Variants in ITGA8 observed in about 807,000 individuals in gnomAD.
ITGA8 encodes the protein integrin alpha-8.
Under a neutral mutation model 142.3 loss-of-function variants are expected in ITGA8, and 91 were observed. The ratio of observed to expected loss-of-function variants is 0.64; its 90% CI spans 0.54 to 0.76. The LOEUF is 0.76. Among genes scored for constraint, ITGA8 ranks in the 30% least tolerant of loss-of-function variants. The pLI is 0.00. For missense variants in ITGA8, 1,406 were observed against 1,327.7 expected, an observed-to-expected ratio of 1.06 and a Z score of -0.92; for synonymous variants, 505 against 485.2, an observed-to-expected ratio of 1.04 and a Z score of -0.54.
intron 2 of ITGA8, among the ~76,000 whole-genome samples, chr10:15,689,857 C>T (rs1195604787): frequency 3.3e-5 from 5 of 152,290 alleles, no homozygotes; most frequent in African/African-American, 1.2e-4. Context: ...CTGCTGCCAG[C>T]TACTCAGAGT....
At chr10:15,525,621 G>C (rs1453211211) in intron 28 of ITGA8, among the ~76,000 whole-genome samples, 1 of 126,034 alleles carries the variant, frequency 7.9e-6, no homozygotes. Context: ...CTCCAGCCTG[G>C]GTGACAGGAG....
Position 15,719,878 on chromosome 10 carries a change from G to T in ITGA8, c.-107C>A, listed in dbSNP as rs1835532400. 1 of 864,002 alleles carries T rather than the reference G, an allele frequency of 1.2e-6. No individual in the cohort carries two copies. Among genetic ancestry groups the T allele is most frequent in the Non-Finnish European group, 1.6e-6 (1 of 642,828 alleles). The allele number at this position is 864,002 out of a possible 1,614,324, so 53.5% of individuals were successfully genotyped here. A position where few individuals can be genotyped will look rare whatever the true frequency, so the allele number is the denominator to read the frequency against. ...GGCGGTCCCCAGCTGCCCGTGTCCC[G>T]GGTCGGTGCGCTCGGCGCACCCGTG... On this transcript the variant is annotated 5_prime_UTR_variant, in exon 1 of 30. Coordinates refer to ENST00000378076, the MANE Select transcript of ITGA8 (RefSeq NM_003638.3).
At chr10:15,609,846 T>C (rs1306924207) in intron 15 of ITGA8, among the ~76,000 whole-genome samples, 1 of 152,166 alleles carries the variant, frequency 6.6e-6, no homozygotes, top group East Asian at 1.9e-4. Context: ...CATATATACA[T>C]TAAAATCATT....
chr10:15,621,234 A>C (rs1420426034), intron 13 of ITGA8, among the ~76,000 whole-genome samples: 1 of 151,960 alleles, frequency 6.6e-6, no homozygotes, highest in Non-Finnish European at 1.5e-5. Flanking sequence ...TCAATCAAAA[A>C]CTGTTCCCAA....
chr10:15,688,044 A>G lies in ITGA8; in HGVS notation c.344-6T>C. ...AACTCTGATCTTTCTGTTGTCTGTCAAAGAAGATAGGAAGAGTTAATAATT... is the reference window on the plus strand; with the variant it reads ...AACTCTGATCTTTCTGTTGTCTGTCGAAGAAGATAGGAAGAGTTAATAATT... On this transcript the variant is annotated splice_polypyrimidine_tract_variant and splice_region_variant and intron_variant, in intron 2 of 29. Transcript: ENST00000378076. 6.3e-7 allele frequency: 1 copy of G among 1,579,616 alleles called. No homozygotes were observed. The highest frequency in any genetic ancestry group is 1.1e-5 in the South Asian group (1 of 90,314).
intron 13 of ITGA8, among the ~76,000 whole-genome samples, chr10:15,627,058 C>G (rs7912597): frequency 0.68 from 103,493 of 151,904 alleles, 36,576 homozygotes; most frequent in South Asian, 0.86. Flanking sequence ...AGCCAGGTCC[C>G]ACCCTAACTG....
chr10:15,645,593 T>C (rs1046056625), intron 12 of ITGA8, among the ~76,000 whole-genome samples: 128 of 152,336 alleles, frequency 8.4e-4, no homozygotes, highest in African/African-American at 2.9e-3. Context: ...CATATGTTGC[T>C]GAGAACTTTT....
chr10:15,620,726 A>C (rs184572442), intron 13 of ITGA8, among the ~76,000 whole-genome samples: 7 of 152,294 alleles, frequency 4.6e-5, no homozygotes, highest in Admixed American at 4.6e-4. Flanking sequence ...TTTTGAATGA[A>C]TTTCTCTTTT....
At chr10:15,713,837 C>T (rs1835403835) in intron 2 of ITGA8, among the ~76,000 whole-genome samples, 1 of 152,088 alleles carries the variant, frequency 6.6e-6, no homozygotes. Context: ...AATTGTCTTC[C>T]ATTTTAAGTT....
chr10:15,548,999 TTC>T (rs1253111590), intron 26 of ITGA8, among the ~76,000 whole-genome samples: 6 of 152,134 alleles, frequency 3.9e-5, no homozygotes, highest in African/African-American at 1.4e-4. Flanking sequence ...CATAACGTTC[TTC>T]TGTCTAAATT....
chr10:15,684,368 A>G (rs996403523), intron 3 of ITGA8, among the ~76,000 whole-genome samples: 2 of 151,838 alleles, frequency 1.3e-5, no homozygotes, highest in African/African-American at 4.8e-5. Context: ...TTTTCTGACA[A>G]TAGTTTTTTT....
At chr10:15,608,842 G>C (rs1833244426) in intron 15 of ITGA8, among the ~76,000 whole-genome samples, 1 of 152,022 alleles carries the variant, frequency 6.6e-6, no homozygotes. Flanking sequence ...TGGAGCACAT[G>C]GTATGCTTAA....
intron 20 of ITGA8, among the ~76,000 whole-genome samples, chr10:15,600,681 G>T (rs1186801521): frequency 6.6e-6 from 1 of 152,178 alleles, no homozygotes; most frequent in Non-Finnish European, 1.5e-5. Context: ...GCTCAGATTT[G>T]TAATTTAGAA....
intron 21 of ITGA8, among the ~76,000 whole-genome samples, chr10:15,595,180 TA>T (rs1316308118): frequency 1.3e-5 from 2 of 152,220 alleles, no homozygotes; most frequent in African/African-American, 4.8e-5. Context: ...CTATCTTGAA[TA>T]TTTTTTTTAA....
At chr10:15,703,251 T>C (rs1293455774) in intron 2 of ITGA8, among the ~76,000 whole-genome samples, 2 of 152,218 alleles carry the variant, frequency 1.3e-5, no homozygotes, top group Admixed American at 6.5e-5. Context: ...TTTTCTGCTG[T>C]AATTATTTTC....
intron 2 of ITGA8, among the ~76,000 whole-genome samples, chr10:15,693,790 G>T (rs1029942996): frequency 2.6e-5 from 4 of 152,144 alleles, no homozygotes; most frequent in Non-Finnish European, 5.9e-5. Flanking sequence ...GGTTCCATGA[G>T]ATAAGTGATC....
intron 13 of ITGA8, among the ~76,000 whole-genome samples, chr10:15,631,415 G>C (rs7078139): frequency 6.6e-6 from 1 of 151,558 alleles, no homozygotes; most frequent in African/African-American, 2.4e-5. Flanking sequence ...TGTCCTTTGC[G>C]GGGACATGGA....
chr10:15,677,461 C>A lies in ITGA8; in HGVS notation c.676+131G>T, dbSNP rs1834652054. The A allele has an allele frequency of 1.6e-5, 11 of 685,128 alleles. No homozygotes were observed. In the South Asian group the frequency reaches 2.7e-4, roughly 17 times the overall value. 42.4% of individuals were successfully genotyped at this position (685,128 alleles called of 1,614,324 possible). A position where few individuals can be genotyped will look rare whatever the true frequency, so the allele number is the denominator to read the frequency against. Reference sequence around the variant, plus strand: ...TTAAAAGCAAAAAAAAGAAATAACGCTTCATTTGAGAAACTATGAATAAGG... The same window carrying A: ...TTAAAAGCAAAAAAAAGAAATAACGATTCATTTGAGAAACTATGAATAAGG... On this transcript the variant is annotated intron_variant, in intron 6 of 29. Transcript: ENST00000378076.
chr10:15,674,933 C>T (rs7081533), intron 6 of ITGA8, among the ~76,000 whole-genome samples: 119,399 of 150,912 alleles, frequency 0.79, 48,482 homozygotes, highest in Middle Eastern at 0.89. Context: ...AAATGAGACT[C>T]GTCTCAAAAA....
Sources: gnomAD v4.1 joint callset for allele counts (sites outside exome capture counted in the v4.1 genomes callset) on GRCh38, gnomAD v4.1.1 for gene constraint, MANE v1.5 for transcripts, NCBI Gene and HGNC (gene_info 2026-07-23, HGNC 2026-07-21) for gene names.